Variants in SVOPL observed in about 807,000 individuals in gnomAD.
SVOPL encodes the protein SVOP like.
Under a neutral mutation model 61.0 loss-of-function variants are expected in SVOPL, and 60 were observed. That is an observed-to-expected ratio of 0.98 (90% CI 0.80 to 1.22). The LOEUF (loss-of-function observed/expected upper bound fraction) is 1.22, where lower values mean the gene tolerates loss of function less well. Ranked by LOEUF, SVOPL falls within the 50% of genes most tolerant of loss-of-function variation. The probability of loss-of-function intolerance (pLI) is 0.00; values close to 1 mark genes in which losing one functional copy is unlikely to be tolerated. For synonymous variants in SVOPL, 279 were observed against 250.0 expected (o/e 1.12, Z -1.09); for missense variants, 662 against 643.9 (o/e 1.03, Z -0.30).
chr7:138,622,234 GTATC>G (rs112468403), intron 13 of SVOPL, among the ~76,000 whole-genome samples: 3,005 of 31,886 alleles, frequency 0.094, 57 homozygotes, highest in South Asian at 0.12. Context: ...ATCTATCTAT[GTATC>G]TATCTATCTA....
intron 12 of SVOPL, among the ~76,000 whole-genome samples, chr7:138,626,444 G>A (rs1054282364): frequency 1.3e-5 from 2 of 152,132 alleles, no homozygotes; most frequent in Non-Finnish European, 1.5e-5. Flanking sequence ...CCAGCCTTGG[G>A]TGCAGTGGCA....
At chr7:138,660,072 T>C in intron 5 of SVOPL, 84 bp from the exon 6 acceptor site, 1 of 1,519,056 alleles carries the variant, frequency 6.6e-7, no homozygotes, top group Non-Finnish European at 8.9e-7. Context: ...CGATTTTCGG[T>C]TTCCATCCTG....
chr7:138,662,791 T>G (rs1332493602), intron 5 of SVOPL: 17 of 1,225,688 alleles, frequency 1.4e-5, no homozygotes, highest in Non-Finnish European at 1.6e-5. Flanking sequence ...TTAGCGGCCT[T>G]CCTTCCTTTA....
chr7:138,624,072 G>A (rs976066925), intron 13 of SVOPL, among the ~76,000 whole-genome samples: 23 of 152,054 alleles, frequency 1.5e-4, no homozygotes, highest in Non-Finnish European at 2.8e-4. Flanking sequence ...CACCTGCCGC[G>A]GCCTCCCAAA....
chr7:138,633,958 G>C (rs377396051), intron 9 of SVOPL, among the ~76,000 whole-genome samples: 9 of 152,112 alleles, frequency 5.9e-5, no homozygotes, highest in African/African-American at 2.2e-4. Context: ...GTGGCTACAG[G>C]ATCCCAAGAA....
chr7:138,644,197 CAAAAAA>C (rs71179714), intron 9 of SVOPL, among the ~76,000 whole-genome samples: 642 of 50,320 alleles, frequency 0.013, 4 homozygotes, highest in South Asian at 0.044. Context: ...AAGACTCCAT[CAAAAAA>C]AAAAAAAAAA....
At position 138,659,904 on chromosome 7, in the gene SVOPL, G is replaced by T. The variant is rs778275252; in HGVS notation, c.430C>A (p.Arg144=). 5.8e-6 allele frequency: 9 copies of T among 1,551,358 alleles called. No individual in the cohort carries two copies. Among genetic ancestry groups the T allele is most frequent in the East Asian group, 2.4e-5 (1 of 40,916 alleles). The change falls in exon 6 of 16, where the codon CGG becomes AGG. Residue 144 remains arginine (R), a synonymous_variant. Transcript: ENST00000674285. ...APSYIWFVFL[R]TMVGCGVSGH... is the part of the protein sequence containing the mutation. ...GACACACCACAGCCCACCATCGTCC[G>T]CAGGAAGACAAACCAGATGTACGAA...
At chr7:138,667,461 CCAG>C (rs1054563950) in intron 4 of SVOPL, among the ~76,000 whole-genome samples, 65 of 152,244 alleles carry the variant, frequency 4.3e-4, no homozygotes, top group African/African-American at 1.6e-3. Context: ...CTCATTCTTC[CCAG>C]AAGATGAGAC....
intron 3 of SVOPL, among the ~76,000 whole-genome samples, 166 bp from the exon 4 acceptor site, chr7:138,672,283 T>C (rs912472042): frequency 6.6e-6 from 1 of 152,228 alleles, no homozygotes. Context: ...TAAGGAACTA[T>C]AGAACTTCAG....
chr7:138,596,490 A>G lies in SVOPL; in HGVS notation c.1394T>C (p.Phe465Ser), dbSNP rs1177092386. The change falls in exon 15 of 16, where the codon TTC becomes TCC. Residue 465 changes from phenylalanine (F) to serine (S), a missense_variant. Transcript: ENST00000674285. ...SASILGALCL[F>S]SSVCVVCAIS... The stretch of plus-strand genomic sequence containing the variant: ...GGCGCATACAACACAGACAGATGAG[A>G]AGAGACACAGGGCCCCCAGTATTGA... 2 of 1,613,928 alleles carry G rather than the reference A, an allele frequency of 1.2e-6. No homozygotes were observed. Among genetic ancestry groups the G allele is most frequent in the Admixed American group, 1.7e-5 (1 of 60,008 alleles).
At chr7:138,634,378 C>T (rs1478496846) in intron 9 of SVOPL, among the ~76,000 whole-genome samples, 1 of 151,866 alleles carries the variant, frequency 6.6e-6, no homozygotes, top group Admixed American at 6.6e-5. Context: ...CACGGTGGCT[C>T]ACGCCTGTAA....
rs1047178995 is a variant in SVOPL, at chr7:138,596,309, A to G, written c.1467+108T>C. 21 of 898,896 alleles carry G rather than the reference A, an allele frequency of 2.3e-5. No individual in the cohort carries two copies. The African/African-American group carries it at 3.6e-4, about 15-fold the overall frequency. 55.7% of individuals were successfully genotyped at this position (898,896 alleles called of 1,614,324 possible). A position where few individuals can be genotyped will look rare whatever the true frequency, so the allele number is the denominator to read the frequency against. The stretch of plus-strand genomic sequence containing the variant: ...CTACAACTTTACAGAAAGAAATCTG[A>G]TATGAATTATTAGTTATTTTAACTA... On this transcript the variant is annotated intron_variant, in intron 15 of 15. Coordinates refer to ENST00000674285, the MANE Select transcript of SVOPL (RefSeq NM_001139456.2).
intron 3 of SVOPL, among the ~76,000 whole-genome samples, chr7:138,673,955 C>T (rs953732797): frequency 6.6e-6 from 1 of 151,646 alleles, no homozygotes; most frequent in African/African-American, 2.4e-5. Context: ...GAGGCTGAGG[C>T]GGGCAGATCA....
chr7:138,663,510 C>T, intron 4 of SVOPL: 1 of 1,023,712 alleles, frequency 9.8e-7, no homozygotes, highest in Non-Finnish European at 1.2e-6. Context: ...AAATTGGGGC[C>T]ACTAGAAGCA....
chr7:138,634,081 G>A (rs1800348763), intron 9 of SVOPL, among the ~76,000 whole-genome samples: 1 of 152,206 alleles, frequency 6.6e-6, no homozygotes, highest in Non-Finnish European at 1.5e-5. Context: ...TAGCAAGGTT[G>A]TGTACTAGCA....
intron 9 of SVOPL, among the ~76,000 whole-genome samples, chr7:138,637,933 G>A (rs1800576275): frequency 6.6e-6 from 1 of 151,828 alleles, no homozygotes; most frequent in Non-Finnish European, 1.5e-5. Flanking sequence ...GCCTGGCCAA[G>A]AGAGCGAGCC....
chr7:138,602,167 T>C (rs1352860886), intron 14 of SVOPL, among the ~76,000 whole-genome samples: 1 of 152,104 alleles, frequency 6.6e-6, no homozygotes, highest in Admixed American at 6.6e-5. Context: ...TGATCACTCC[T>C]GTGAATAGCC....
intron 8 of SVOPL, among the ~76,000 whole-genome samples, chr7:138,648,664 C>T (rs1180815568): frequency 3.3e-5 from 5 of 151,744 alleles, no homozygotes; most frequent in South Asian, 2.1e-4. Flanking sequence ...GCCGAGGTCG[C>T]GCCACTGCAC....
In SVOPL at chr7:138,697,738, GAAAAGAAGAAGGAGAAGA is replaced by G. The variant is rs1417327564; in HGVS notation, c.-35+3422_-35+3439del. Among the ~76,000 whole-genome samples, 244 of 149,498 alleles carry G rather than the reference GAAAAGAAGAAGGAGAAGA, an allele frequency of 1.6e-3. 1 individual carries two copies. The highest frequency in any genetic ancestry group is 5.6e-3 in the African/African-American group (229 of 40,670). On this transcript the variant is annotated intron_variant, in intron 1 of 15. Transcript: ENST00000674285. ...AGAGGAAGAGGAAGAGGAGAAGGAA[GAAAAGAAGAAGGAGAAGA>G]AAAAGAAGAAGGAGAAGGAGGAGGA...
Sources: gnomAD v4.1 joint callset for allele counts (sites outside exome capture counted in the v4.1 genomes callset) on GRCh38, gnomAD v4.1.1 for gene constraint, MANE v1.5 for transcripts, NCBI Gene and HGNC (gene_info 2026-07-23, HGNC 2026-07-21) for gene names.